Variants in CCDC102B observed in about 807,000 individuals in gnomAD.
The protein encoded by CCDC102B is coiled-coil domain containing 102B.
A neutral mutation model predicts 57.4 loss-of-function variants in CCDC102B; 75 were observed. That is an observed-to-expected ratio of 1.31 (90% CI 1.08 to 1.58). The LOEUF is 1.58. Ranked by LOEUF, CCDC102B falls within the 40% of genes most tolerant of loss-of-function variation. CCDC102B has a pLI of 0.00. For synonymous variants in CCDC102B, 206 were observed against 201.9 expected (o/e 1.02, Z -0.17); for missense variants, 636 against 582.6 (o/e 1.09, Z -0.94).
At chr18:68,896,402 G>A (rs1320206321) in intron 5 of CCDC102B, among the ~76,000 whole-genome samples, 1 of 151,948 alleles carries the variant, frequency 6.6e-6, no homozygotes, top group Non-Finnish European at 1.5e-5. Flanking sequence ...ATCTCCTCAT[G>A]TTGATATACC....
At chr18:68,990,419 T>C (rs1317514432) in intron 6 of CCDC102B, among the ~76,000 whole-genome samples, 1 of 152,188 alleles carries the variant, frequency 6.6e-6, no homozygotes, top group Non-Finnish European at 1.5e-5. Context: ...CGTGACTTCT[T>C]GTTTAGGGAG....
chr18:68,833,300 A>G (rs2037222465), intron 1 of CCDC102B, among the ~76,000 whole-genome samples: 1 of 152,086 alleles, frequency 6.6e-6, no homozygotes, highest in Non-Finnish European at 1.5e-5. Context: ...ACTGATTGAT[A>G]TCAACATTAT....
At chr18:68,846,448 G>A (rs757768805) in intron 4 of CCDC102B, 27 bp downstream of exon 4, 33 of 1,396,328 alleles carry the variant, frequency 2.4e-5, no homozygotes, top group Non-Finnish European at 3.2e-5. Context: ...TGTAAAGGAA[G>A]AAATGAAGCC....
intron 2 of CCDC102B, among the ~76,000 whole-genome samples, chr18:68,774,921 T>C (rs959764906): frequency 1.6e-4 from 25 of 151,566 alleles, no homozygotes; most frequent in African/African-American, 5.8e-4. Flanking sequence ...TGAAATATTA[T>C]AGTTTTTCCA....
At chr18:68,728,018 A>T (rs1001079279) in intron 2 of CCDC102B, among the ~76,000 whole-genome samples, 2 of 152,200 alleles carry the variant, frequency 1.3e-5, no homozygotes, top group Non-Finnish European at 2.9e-5. Context: ...GTTGTTCATC[A>T]AAGAACTTCT....
At chr18:68,888,786 T>A (rs1037884787) in intron 5 of CCDC102B, among the ~76,000 whole-genome samples, 1 of 152,168 alleles carries the variant, frequency 6.6e-6, no homozygotes, top group South Asian at 2.1e-4. Flanking sequence ...TATGATCACT[T>A]GGTTAAGGTA....
At chr18:68,853,232 G>A (rs2038213509) in intron 4 of CCDC102B, among the ~76,000 whole-genome samples, 1 of 152,042 alleles carries the variant, frequency 6.6e-6, no homozygotes, top group African/African-American at 2.4e-5. Flanking sequence ...ACTTGATAAT[G>A]CACCATACAT....
Position 68,897,364 on chromosome 18 carries a change from T to G in CCDC102B, c.1199T>G (p.Leu400Ter), listed in dbSNP as rs1210732696. The G allele has an allele frequency of 1.2e-6, 2 of 1,612,688 alleles. No individual in the cohort carries two copies. Among genetic ancestry groups the G allele is most frequent in the African/African-American group, 2.7e-5 (2 of 74,760 alleles). ...GAGCTTTTGGATAAGAAAAATAGAT[T>G]AAGTGCAAACTCTCAAAGTCCTGAT... is the stretch of plus-strand genomic sequence containing the variant. ...MEELLDKKNR[L>*]SANSQSPDFK... The change falls in exon 6 of 8, where the codon TTA becomes TGA. Residue 400 changes from leucine (L) to a stop codon, truncating the protein, a stop_gained. Transcript: ENST00000360242. LOFTEE classifies it high-confidence loss of function.
chr18:68,873,249 T>C (rs2039306134), intron 4 of CCDC102B, among the ~76,000 whole-genome samples: 1 of 152,168 alleles, frequency 6.6e-6, no homozygotes, highest in Non-Finnish European at 1.5e-5. Context: ...CCTTGCCTTC[T>C]GTGTGCTCTC....
intron 1 of CCDC102B, among the ~76,000 whole-genome samples, chr18:68,809,906 C>A (rs1049354614): frequency 6.6e-6 from 1 of 152,120 alleles, no homozygotes; most frequent in Admixed American, 6.5e-5. Flanking sequence ...TGCATTTTCT[C>A]ATTTGTTTGT....
chr18:69,027,977 G>T (rs542163294), intron 7 of CCDC102B, among the ~76,000 whole-genome samples: 1 of 152,200 alleles, frequency 6.6e-6, no homozygotes, highest in African/African-American at 2.4e-5. Flanking sequence ...GGCAACCATG[G>T]TATAATAGTA....
chr18:68,769,829 T>C (rs1275262473), intron 2 of CCDC102B, among the ~76,000 whole-genome samples: 2 of 152,214 alleles, frequency 1.3e-5, no homozygotes, highest in Non-Finnish European at 2.9e-5. Flanking sequence ...TGTTGATCCT[T>C]AAAGGACATA....
chr18:68,801,150 T>C (rs964100455), intron 1 of CCDC102B, among the ~76,000 whole-genome samples: 2 of 152,130 alleles, frequency 1.3e-5, no homozygotes, highest in Non-Finnish European at 2.9e-5. Context: ...CAGATGAGGA[T>C]AGTTGAAATG....
chr18:68,903,457 G>T (rs1305591486), intron 6 of CCDC102B, among the ~76,000 whole-genome samples: 2 of 152,060 alleles, frequency 1.3e-5, no homozygotes, highest in African/African-American at 4.8e-5. Context: ...GAGAAGTCTT[G>T]ATATTTCTGT....
intron 1 of CCDC102B, among the ~76,000 whole-genome samples, chr18:68,810,680 G>GTTTTTTTTTTTTTTTTTTTT (rs61714863): frequency 6.5e-5 from 5 of 77,042 alleles, no homozygotes; most frequent in African/African-American, 1.0e-4. Context: ...TCTTTTCTTT[G>GTTTTTTTTTTTTTTTTTTTT]TTTTTTTTTT....
chr18:68,759,552 A>G lies in CCDC102B; in HGVS notation c.-67+42958A>G, dbSNP rs116276395. On this transcript the variant is annotated intron_variant, in intron 2 of 3. Transcript: ENST00000578970. ...ACAGACATATGGGGGGCCAGAAGAC[A>G]ATGGAACAATGTCTTACAATTTTGG... 3.5e-3 allele frequency among the ~76,000 whole-genome samples: 531 copies of G among 152,262 alleles called. 2 individuals are homozygous for G. The highest frequency in any genetic ancestry group is 0.012 in the African/African-American group (513 of 41,580).
intron 2 of CCDC102B, among the ~76,000 whole-genome samples, chr18:68,782,952 A>G (rs1208270220): frequency 6.6e-6 from 1 of 152,120 alleles, no homozygotes; most frequent in East Asian, 1.9e-4. Context: ...TATTATTATT[A>G]TTGTTACTAT....
chr18:68,939,365 A>G (rs985391985), intron 6 of CCDC102B, among the ~76,000 whole-genome samples: 2 of 151,740 alleles, frequency 1.3e-5, no homozygotes, highest in African/African-American at 4.8e-5. Context: ...AATATCATTT[A>G]TGTTTGAACC....
At chr18:68,800,405 T>C (rs191496942) in intron 1 of CCDC102B, among the ~76,000 whole-genome samples, 1 of 152,230 alleles carries the variant, frequency 6.6e-6, no homozygotes, top group Admixed American at 6.5e-5. Context: ...ATTACTGTTC[T>C]ATCAGTTGGG....
Sources: allele counts gnomAD v4.1 joint callset (sites outside exome capture counted in the v4.1 genomes callset), GRCh38; gene constraint gnomAD v4.1.1; transcripts MANE v1.5; gene names NCBI Gene and HGNC (gene_info 2026-07-23, HGNC 2026-07-21).